The following PAIP1 variants were observed in gnomAD, a reference collection of about 807,000 sequenced individuals.
The protein encoded by PAIP1 is poly(A) binding protein interacting protein 1.
Under a neutral mutation model 61.3 loss-of-function variants are expected in PAIP1, and 16 were observed. The ratio of observed to expected loss-of-function variants is 0.26; its 90% CI spans 0.18 to 0.40. PAIP1 has a LOEUF of 0.40. PAIP1 is among the 10% of genes least tolerant of loss of function. PAIP1 has a pLI of 1.00. For missense variants in PAIP1, 416 were observed against 600.9 expected (o/e 0.69, Z 3.22); for synonymous variants, 187 against 226.2 (o/e 0.83, Z 1.56).
intron 6 of PAIP1, among the ~76,000 whole-genome samples, chr5:43,536,324 A>G (rs987407154): frequency 1.9e-4 from 29 of 152,208 alleles, no homozygotes; most frequent in African/African-American, 6.5e-4. Flanking sequence ...AAGAGGAAAG[A>G]TTACAAGCAA....
At chr5:43,539,471 ACAC>A (rs1747307164) in intron 4 of PAIP1, among the ~76,000 whole-genome samples, 1 of 151,842 alleles carries the variant, frequency 6.6e-6, no homozygotes, top group Non-Finnish European at 1.5e-5. Context: ...ACACACACAC[ACAC>A]ACACACACAC....
intron 4 of PAIP1, among the ~76,000 whole-genome samples, chr5:43,540,491 T>C (rs1747355680): frequency 6.6e-6 from 1 of 152,232 alleles, no homozygotes; most frequent in Non-Finnish European, 1.5e-5. Flanking sequence ...GTCAAATTTT[T>C]AAGCTAAAGA....
intron 9 of PAIP1, among the ~76,000 whole-genome samples, chr5:43,531,676 A>AAAAAAAAAG (rs70997407): frequency 7.0e-5 from 10 of 143,106 alleles, no homozygotes; most frequent in East Asian, 6.9e-4. Flanking sequence ...AAAAAAAAAA[A>AAAAAAAAAG]AGAGAAAAAA....
At chr5:43,548,500 A>G (rs1393550695) in intron 2 of PAIP1, among the ~76,000 whole-genome samples, 1 of 152,228 alleles carries the variant, frequency 6.6e-6, no homozygotes, top group Admixed American at 6.5e-5. Context: ...TCATCACGGT[A>G]TAAATGGAAG....
intron 3 of PAIP1, among the ~76,000 whole-genome samples, chr5:43,546,362 T>C (rs548282896): frequency 6.6e-6 from 1 of 152,308 alleles, no homozygotes; most frequent in South Asian, 2.1e-4. Context: ...ATAAATACAT[T>C]TGTTTCATTT....
chr5:43,529,452 G>T (rs1301330201), intron 10 of PAIP1, among the ~76,000 whole-genome samples: 3 of 151,430 alleles, frequency 2.0e-5, no homozygotes, highest in Non-Finnish European at 4.4e-5. Flanking sequence ...CTCCCAAGCT[G>T]GAGTGCAGTG....
intron 2 of PAIP1, among the ~76,000 whole-genome samples, chr5:43,552,486 G>T (rs975936288): frequency 1.3e-5 from 2 of 152,174 alleles, no homozygotes; most frequent in Admixed American, 6.5e-5. Flanking sequence ...GATTAGCAAA[G>T]GAGGTAATAA....
At position 43,527,237 on chromosome 5, in the gene PAIP1, A is replaced by G. The variant is rs1746743733; in HGVS notation, c.*139T>C. The G allele has an allele frequency of 2.0e-6, 1 of 503,386 alleles. No homozygotes were observed. Among genetic ancestry groups the G allele is most frequent in the South Asian group, 4.5e-5 (1 of 22,442 alleles). 31.2% of individuals were successfully genotyped at this position (503,386 alleles called of 1,614,324 possible). A position where few individuals can be genotyped will look rare whatever the true frequency, so the allele number is the denominator to read the frequency against. On this transcript the variant is annotated 3_prime_UTR_variant, in exon 11 of 11. Coordinates refer to ENST00000306846, the MANE Select transcript of PAIP1 (RefSeq NM_006451.5). ...TTTATTTTGGCAGATAGTGTTAAACAAAATTAAAGTTGCATACATTAGTAA... is the reference window on the plus strand; with the variant it reads ...TTTATTTTGGCAGATAGTGTTAAACGAAATTAAAGTTGCATACATTAGTAA...
At chr5:43,535,286 A>T (rs1747097788) in intron 7 of PAIP1, among the ~76,000 whole-genome samples, 1 of 152,210 alleles carries the variant, frequency 6.6e-6, no homozygotes, top group Admixed American at 6.5e-5. Context: ...CATTTAATTC[A>T]TATCTTAAGA....
At chr5:43,530,355 G>A (rs1289511793) in intron 9 of PAIP1, among the ~76,000 whole-genome samples, 1 of 152,166 alleles carries the variant, frequency 6.6e-6, no homozygotes, top group Non-Finnish European at 1.5e-5. Flanking sequence ...TTTCAGCTCT[G>A]CCAACTTTCC....
intron 4 of PAIP1, among the ~76,000 whole-genome samples, chr5:43,542,311 T>A (rs921624359): frequency 1.3e-5 from 2 of 151,674 alleles, no homozygotes; most frequent in African/African-American, 4.8e-5. Context: ...GGTGGGTGGA[T>A]CACATGAGAT....
chr5:43,541,915 G>A (rs537319850), intron 4 of PAIP1, among the ~76,000 whole-genome samples: 2 of 151,984 alleles, frequency 1.3e-5, no homozygotes, highest in Non-Finnish European at 2.9e-5. Context: ...GGTGGCTCAC[G>A]CCTGTAATCC....
At chr5:43,554,727 A>G (rs1240957396) in intron 2 of PAIP1, among the ~76,000 whole-genome samples, 1 of 152,206 alleles carries the variant, frequency 6.6e-6, no homozygotes, top group Non-Finnish European at 1.5e-5. Flanking sequence ...TGGAAATCAT[A>G]CACTACTCAG....
At chr5:43,537,402 A>T (rs1747198163) in intron 5 of PAIP1, among the ~76,000 whole-genome samples, 1 of 152,224 alleles carries the variant, frequency 6.6e-6, no homozygotes, top group South Asian at 2.1e-4. Flanking sequence ...ATCTCCATAT[A>T]GAAAATGCTC....
intron 9 of PAIP1, among the ~76,000 whole-genome samples, chr5:43,531,656 C>CAATAAAAAAAAAAAA (rs1746936737): frequency 1.7e-5 from 1 of 59,868 alleles, no homozygotes; most frequent in African/African-American, 4.9e-5. Context: ...GACTCTGTCT[C>CAATAAAAAAAAAAAA]AAAAAAAAAA....
chr5:43,538,609 T>C (rs1048186822), intron 5 of PAIP1, among the ~76,000 whole-genome samples: 3 of 152,172 alleles, frequency 2.0e-5, no homozygotes, highest in African/African-American at 7.2e-5. Flanking sequence ...TATTAATATA[T>C]AAGATGTAAG....
At chr5:43,537,795 A>G (rs1747212101) in intron 5 of PAIP1, among the ~76,000 whole-genome samples, 1 of 152,062 alleles carries the variant, frequency 6.6e-6, no homozygotes, top group Admixed American at 6.6e-5. Flanking sequence ...GGAGTTTGAG[A>G]CCAGCGTGGC....
intron 4 of PAIP1, among the ~76,000 whole-genome samples, chr5:43,540,912 A>T (rs1747374477): frequency 6.6e-6 from 1 of 152,104 alleles, no homozygotes; most frequent in African/African-American, 2.4e-5. Context: ...GTATCTAGGT[A>T]ACTCTAAGGC....
chr5:43,556,812 CCAG>C lies in PAIP1; in HGVS notation c.32_34del (p.Ala11del). ...GCCCAGGCCCCGGCTCCGGCCCCGA[CCAG>C]CACCTGGGGCCCGATCGAAACCGTC... On this transcript the variant is annotated inframe_deletion, in exon 1 of 11. Transcript: ENST00000306846. 3.4e-6 allele frequency: 5 copies of C among 1,454,462 alleles called. No homozygotes were observed. Among genetic ancestry groups the C allele is most frequent in the Non-Finnish European group, 4.5e-6 (5 of 1,106,070 alleles). 90.1% of individuals were successfully genotyped at this position (1,454,462 alleles called of 1,614,324 possible). A position where few individuals can be genotyped will look rare whatever the true frequency, so the allele number is the denominator to read the frequency against.
Sources: gnomAD v4.1 joint callset for allele counts (sites outside exome capture counted in the v4.1 genomes callset) on GRCh38, gnomAD v4.1.1 for gene constraint, MANE v1.5 for transcripts, NCBI Gene and HGNC (gene_info 2026-07-23, HGNC 2026-07-21) for gene names.